Variants in UTS2 observed in about 807,000 individuals in gnomAD.
The protein encoded by UTS2 is urotensin-2.
A neutral mutation model predicts 12.6 loss-of-function variants in UTS2; 10 were observed. The observed-to-expected ratio is 0.80, with a 90% CI of 0.49 to 1.35. The LOEUF is 1.35. Among genes scored for constraint, UTS2 ranks in the 40% most tolerant of loss-of-function variants. The probability of loss-of-function intolerance (pLI) is 0.00; values close to 1 mark genes in which losing one functional copy is unlikely to be tolerated. For synonymous variants in UTS2, 52 were observed against 50.0 expected, an observed-to-expected ratio of 1.04 and a Z score of -0.17; for missense variants, 142 against 143.2, an observed-to-expected ratio of 0.99 and a Z score of 0.04.
chr1:7,909,810 C>T, the UTS2 span, among the ~76,000 whole-genome samples: 19,111 of 151,746 alleles, frequency 0.13, 1,581 homozygotes, highest in Non-Finnish European at 0.17. Flanking sequence ...TTGGTAGAGA[C>T]GAGGTTTCAA....
the UTS2 span, among the ~76,000 whole-genome samples, chr1:7,901,658 TC>T: frequency 6.6e-6 from 1 of 151,870 alleles, no homozygotes; most frequent in Non-Finnish European, 1.5e-5. Context: ...TCTCATTTAA[TC>T]CTCACAAAAA....
At chr1:7,853,708 C>A (rs1003965208), upstream of UTS2, among the ~76,000 whole-genome samples, 1 of 152,168 alleles carries the variant, frequency 6.6e-6, no homozygotes, top group Non-Finnish European at 1.5e-5. Flanking sequence ...GGACTTAACA[C>A]CAGAAAACTC....
chr1:7,888,286 T>C, the UTS2 span, among the ~76,000 whole-genome samples: 1 of 152,286 alleles, frequency 6.6e-6, no homozygotes, highest in East Asian at 1.9e-4. Flanking sequence ...TCTGCTGAAA[T>C]GCAACAATTC....
At chr1:7,890,964 T>TCC in the UTS2 span, among the ~76,000 whole-genome samples, 4 of 82,914 alleles carry the variant, frequency 4.8e-5, no homozygotes, top group Admixed American at 1.4e-4. Context: ...TGTGATACCC[T>TCC]CCACCCCCCC....
intron 1 of UTS2, among the ~76,000 whole-genome samples, chr1:7,851,461 T>G (rs1331345218): frequency 6.6e-6 from 1 of 152,228 alleles, no homozygotes; most frequent in East Asian, 1.9e-4. Context: ...TTGTGGCATT[T>G]CCTATGTGAA....
chr1:7,883,235 A>G, the UTS2 span, among the ~76,000 whole-genome samples: 9 of 152,258 alleles, frequency 5.9e-5, no homozygotes, highest in Non-Finnish European at 1.3e-4. Context: ...TTGCAGCAAC[A>G]TGGATTGAAC....
At chr1:7,861,829 T>G in the UTS2 span, among the ~76,000 whole-genome samples, 5 of 152,160 alleles carry the variant, frequency 3.3e-5, no homozygotes, top group Non-Finnish European at 5.9e-5. Context: ...TCTGTTCATA[T>G]TTCTACTTTG....
At chr1:7,895,935 C>T in the UTS2 span, among the ~76,000 whole-genome samples, 2 of 152,136 alleles carry the variant, frequency 1.3e-5, no homozygotes. Flanking sequence ...TTTTCCAAGC[C>T]AGTGCTGGAT....
At chr1:7,898,511 T>C in the UTS2 span, among the ~76,000 whole-genome samples, 1 of 151,978 alleles carries the variant, frequency 6.6e-6, no homozygotes, top group African/African-American at 2.4e-5. Flanking sequence ...AGTCTCACTC[T>C]GTCGCCCAGG....
chr1:7,863,964 G>A, the UTS2 span, among the ~76,000 whole-genome samples: 4 of 152,218 alleles, frequency 2.6e-5, no homozygotes, highest in South Asian at 6.2e-4. Context: ...CTCATCCCCC[G>A]GGGGGGTCTG....
the UTS2 span, among the ~76,000 whole-genome samples, chr1:7,862,301 C>T: frequency 3.3e-5 from 5 of 152,014 alleles, no homozygotes; most frequent in African/African-American, 1.2e-4. Context: ...TCCTGCAGTT[C>T]CCCCGCTATG....
At chr1:7,881,127 A>G in the UTS2 span, among the ~76,000 whole-genome samples, 2 of 152,210 alleles carry the variant, frequency 1.3e-5, no homozygotes. Flanking sequence ...TTAGGCATAG[A>G]AGGAACATAC....
chr1:7,901,606 A>ATGTGTGTG, the UTS2 span, among the ~76,000 whole-genome samples: 169 of 126,782 alleles, frequency 1.3e-3, no homozygotes, highest in African/African-American at 4.5e-3. Flanking sequence ...ATATTCATCT[A>ATGTGTGTG]TGTGTGTGTG....
At chr1:7,893,118 T>C in the UTS2 span, among the ~76,000 whole-genome samples, 3 of 152,338 alleles carry the variant, frequency 2.0e-5, no homozygotes, top group East Asian at 5.8e-4. Context: ...TGTTATTAAA[T>C]GTCTATACTA....
chr1:7,888,396 T>C, the UTS2 span, among the ~76,000 whole-genome samples: 2 of 151,986 alleles, frequency 1.3e-5, no homozygotes, highest in Non-Finnish European at 2.9e-5. Context: ...AGGACCCCTG[T>C]TCCCCCAGAG....
chr1:7,880,289 A>G, the UTS2 span, among the ~76,000 whole-genome samples: 4 of 152,096 alleles, frequency 2.6e-5, no homozygotes, highest in Non-Finnish European at 5.9e-5. Flanking sequence ...AATTTAAAAG[A>G]TCAGAGCCAA....
chr1:7,884,903 C>T, the UTS2 span, among the ~76,000 whole-genome samples: 1 of 151,318 alleles, frequency 6.6e-6, no homozygotes, highest in East Asian at 2.0e-4. Context: ...ATCTGCCCAT[C>T]ATCCATGCAT....
chr1:7,906,894 A>G, the UTS2 span, among the ~76,000 whole-genome samples: 1 of 152,154 alleles, frequency 6.6e-6, no homozygotes, highest in African/African-American at 2.4e-5. Context: ...ACATCCCATC[A>G]TTGCAATCAG....
chr1:7,862,488 C>A, the UTS2 span, among the ~76,000 whole-genome samples: 2 of 151,820 alleles, frequency 1.3e-5, no homozygotes, highest in African/African-American at 2.4e-5. Context: ...TTTGCACCAA[C>A]CTTAATGTTA....
Sources: gnomAD v4.1 joint callset for allele counts (sites outside exome capture counted in the v4.1 genomes callset) on GRCh38, gnomAD v4.1.1 for gene constraint, MANE v1.5 for transcripts, NCBI Gene and HGNC (gene_info 2026-07-23, HGNC 2026-07-21) for gene names.